The following SNX9 variants were observed in gnomAD, a reference collection of about 807,000 sequenced individuals.
SNX9 encodes the protein sorting nexin-9.
In SNX9, 44 loss-of-function variants were observed where a neutral mutation model predicts 89.4. The ratio of observed to expected loss-of-function variants is 0.49; its 90% CI spans 0.39 to 0.63. The LOEUF (loss-of-function observed/expected upper bound fraction) is 0.63, where lower values mean the gene tolerates loss of function less well. Among genes scored for constraint, SNX9 ranks in the 30% least tolerant of loss-of-function variants. The probability of loss-of-function intolerance (pLI) is 0.00; values close to 1 mark genes in which losing one functional copy is unlikely to be tolerated. For missense variants in SNX9, 578 were observed against 736.1 expected (o/e 0.79, Z 2.49); for synonymous variants, 236 against 247.8 (o/e 0.95, Z 0.45).
At chr6:157,886,497 C>G (rs550011255) in intron 4 of SNX9, among the ~76,000 whole-genome samples, 3 of 152,302 alleles carry the variant, frequency 2.0e-5, no homozygotes, top group African/African-American at 7.2e-5. Context: ...CACTAGGTGT[C>G]TTATTTTCTC....
chr6:157,941,576 C>T (rs939366171), intron 17 of SNX9, among the ~76,000 whole-genome samples: 7 of 152,288 alleles, frequency 4.6e-5, no homozygotes, highest in African/African-American at 1.7e-4. Context: ...CCCTCAGACA[C>T]CTGCAGGTAA....
intron 2 of SNX9, among the ~76,000 whole-genome samples, chr6:157,870,417 C>T (rs1190902298): frequency 1.3e-5 from 2 of 151,904 alleles, no homozygotes; most frequent in African/African-American, 4.8e-5. Flanking sequence ...CCTGCTCTCA[C>T]ACACGCACAC....
intron 6 of SNX9, among the ~76,000 whole-genome samples, chr6:157,904,810 A>G (rs191268483): frequency 9.8e-4 from 150 of 152,332 alleles, no homozygotes; most frequent in African/African-American, 3.5e-3. Flanking sequence ...CAGGTCCTGA[A>G]AACACAAATG....
intron 1 of SNX9, among the ~76,000 whole-genome samples, chr6:157,834,869 C>T (rs150246575): frequency 2.6e-5 from 4 of 152,190 alleles, no homozygotes; most frequent in Admixed American, 1.3e-4. Flanking sequence ...GTATGTAAAG[C>T]GTATTCAATG....
intron 1 of SNX9, among the ~76,000 whole-genome samples, chr6:157,852,837 T>C (rs1052059780): frequency 1.3e-5 from 2 of 152,158 alleles, no homozygotes; most frequent in Non-Finnish European, 2.9e-5. Context: ...GCCTCCAAAA[T>C]GCTGGGGTTA....
intron 1 of SNX9, among the ~76,000 whole-genome samples, chr6:157,831,389 T>C (rs1008920958): frequency 1.3e-5 from 2 of 152,244 alleles, no homozygotes; most frequent in Non-Finnish European, 2.9e-5. Context: ...CTTAATGTTT[T>C]CTCAGCCATA....
In SNX9 at chr6:157,823,586, G is replaced by C. The variant is rs969074956; in HGVS notation, c.12+140G>C. ...CGCTTCCTCGGTGGAGTCCCCGGGC[G>C]GGTCCGCGGCCCAGCCAGTCCCTTC... On this transcript the variant is annotated intron_variant, in intron 1 of 17. Transcript: ENST00000392185. This position sits in a 1 kb window ranked among gnomAD's most constrained non-coding sequence, Gnocchi z 4.6. 1 of 702,738 alleles carries C rather than the reference G, an allele frequency of 1.4e-6. No individual in the cohort carries two copies. The highest frequency in any genetic ancestry group is 1.9e-6 in the Non-Finnish European group (1 of 536,052). 43.5% of individuals were successfully genotyped at this position (702,738 alleles called of 1,614,324 possible).
At chr6:157,910,051 G>A (rs1220894282) in intron 9 of SNX9, 26 bp downstream of exon 9, 1 of 1,553,840 alleles carries the variant, frequency 6.4e-7, no homozygotes. Context: ...GCTAAACCCA[G>A]GATGACAAAT....
chr6:157,937,398 C>A lies in SNX9; in HGVS notation c.1444-36C>A, dbSNP rs1371915087. On this transcript the variant is annotated intron_variant, in intron 14 of 17. Coordinates refer to ENST00000392185, the MANE Select transcript of SNX9 (RefSeq NM_016224.5). ...CTCTTTTCCTTGATTTTCTGAATTTCTCTGCCAGTAACAATCAGCTTGTAT... is the reference window on the plus strand; with the variant it reads ...CTCTTTTCCTTGATTTTCTGAATTTATCTGCCAGTAACAATCAGCTTGTAT... 4 of 1,450,962 alleles carry A rather than the reference C, an allele frequency of 2.8e-6. No homozygotes were observed. The South Asian group carries it at 4.6e-5, about 17-fold the overall frequency. The allele number at this position is 1,450,962 out of a possible 1,614,324, so 89.9% of individuals were successfully genotyped here.
rs969128734 is a variant in SNX9, at chr6:157,823,378, C to T, written c.-57C>T. The T allele has an allele frequency of 1.3e-5, 16 of 1,269,630 alleles. No individual in the cohort carries two copies. The highest frequency in any genetic ancestry group is 3.4e-5 in the Admixed American group (1 of 29,372). 78.6% of individuals were successfully genotyped at this position (1,269,630 alleles called of 1,614,324 possible). On this transcript the variant is annotated 5_prime_UTR_variant, in exon 1 of 18. Coordinates refer to ENST00000392185, the MANE Select transcript of SNX9 (RefSeq NM_016224.5). This position sits in a 1 kb window ranked among gnomAD's most constrained non-coding sequence, Gnocchi z 4.6. ...TGCCTTTGCCTGCGCGGCTCAGAAT[C>T]ACCATCCGCGGCGCGGGAGACGAGC...
chr6:157,930,938 AT>A (rs558169458), intron 12 of SNX9, among the ~76,000 whole-genome samples: 3 of 152,346 alleles, frequency 2.0e-5, no homozygotes, highest in African/African-American at 7.2e-5. Flanking sequence ...TTACAATTGC[AT>A]TTTTTAAGGA....
chr6:157,824,898 T>C (rs1024883132), intron 1 of SNX9, among the ~76,000 whole-genome samples: 4 of 152,170 alleles, frequency 2.6e-5, no homozygotes, highest in African/African-American at 9.7e-5. Flanking sequence ...TGCCAGACAT[T>C]CCAGAAATTA....
chr6:157,904,017 GT>G (rs1156596287), intron 6 of SNX9, among the ~76,000 whole-genome samples: 2 of 152,120 alleles, frequency 1.3e-5, no homozygotes, highest in Non-Finnish European at 2.9e-5. Flanking sequence ...TATAAAAAAT[GT>G]TTTTAAGTAT....
At position 157,944,552 on chromosome 6, in the gene SNX9, G is replaced by T. The variant is rs1784105637; in HGVS notation, c.*1714G>T. 6.6e-6 allele frequency: 1 copy of T among 152,502 alleles called. No individual in the cohort carries two copies. Among genetic ancestry groups the T allele is most frequent in the Non-Finnish European group, 1.5e-5 (1 of 68,040 alleles). The allele number at this position is 152,502 out of a possible 1,614,324, so 9.4% of individuals were successfully genotyped here. ...TTTCAAAACACTTTTTGGACTTTGTGTGTGATTTTTGTTGTTGTTGTTAAG... is the reference window on the plus strand; with the variant it reads ...TTTCAAAACACTTTTTGGACTTTGTTTGTGATTTTTGTTGTTGTTGTTAAG... On this transcript the variant is annotated 3_prime_UTR_variant, in exon 18 of 18. Transcript: ENST00000392185.
intron 7 of SNX9, 113 bp from the exon 8 acceptor site, chr6:157,909,552 A>G: frequency 8.1e-7 from 1 of 1,232,950 alleles, no homozygotes; most frequent in Non-Finnish European, 1.2e-6. Flanking sequence ...AGGAACAAGA[A>G]TGACCCTCCA....
chr6:157,835,305 G>T (rs1781561609), intron 1 of SNX9, among the ~76,000 whole-genome samples: 1 of 151,914 alleles, frequency 6.6e-6, no homozygotes, highest in Non-Finnish European at 1.5e-5. Flanking sequence ...GAGTCACCAT[G>T]CCCAGCCAAG....
rs1188621162 is a variant in SNX9 at position 157,944,620 on chromosome 6, T to G, written c.*1782T>G. ...GCTGAAAATGGTCCAGGTAATGAAT[T>G]CTTCCCCAAATCCTATTTCTTCTGA... is the stretch of plus-strand genomic sequence containing the variant. On this transcript the variant is annotated 3_prime_UTR_variant, in exon 18 of 18. Coordinates refer to ENST00000392185, the MANE Select transcript of SNX9 (RefSeq NM_016224.5). 2 of 152,264 alleles carry G rather than the reference T, an allele frequency of 1.3e-5. No homozygotes were observed. Among genetic ancestry groups the G allele is most frequent in the African/African-American group, 4.8e-5 (2 of 41,466 alleles). 9.4% of individuals were successfully genotyped at this position (152,264 alleles called of 1,614,324 possible). A position where few individuals can be genotyped will look rare whatever the true frequency, so the allele number is the denominator to read the frequency against.
chr6:157,885,132 T>C (rs567069504), intron 4 of SNX9: 9 of 152,356 alleles, frequency 5.9e-5, no homozygotes, highest in African/African-American at 2.2e-4. Context: ...GTTTTAATTA[T>C]CTTTATTTAA....
At chr6:157,936,931 G>C (rs933271020) in intron 14 of SNX9, among the ~76,000 whole-genome samples, 1 of 152,160 alleles carries the variant, frequency 6.6e-6, no homozygotes, top group Non-Finnish European at 1.5e-5. Flanking sequence ...ATGCACACAT[G>C]TGTACACACA....
Sources: gnomAD v4.1 joint callset for allele counts (sites outside exome capture counted in the v4.1 genomes callset) on GRCh38, gnomAD v4.1.1 for gene constraint, Gnocchi (gnomAD v3.1) non-coding constraint, MANE v1.5 for transcripts, NCBI Gene and HGNC (gene_info 2026-07-23, HGNC 2026-07-21) for gene names.